The following ZFAND3 variants were observed in gnomAD, a reference collection of about 807,000 sequenced individuals.
The protein encoded by ZFAND3 is zinc finger AN1-type containing 3.
Under a neutral mutation model 29.6 loss-of-function variants are expected in ZFAND3, and 10 were observed. The ratio of observed to expected loss-of-function variants is 0.34; its 90% CI spans 0.21 to 0.57. The LOEUF is 0.57. Among genes scored for constraint, ZFAND3 ranks in the 20% least tolerant of loss-of-function variants. The pLI is 0.86. For synonymous variants in ZFAND3, 128 were observed against 112.6 expected, an observed-to-expected ratio of 1.14 and a Z score of -0.87; for missense variants, 230 against 304.5, an observed-to-expected ratio of 0.76 and a Z score of 1.82.
intron 1 of ZFAND3, among the ~76,000 whole-genome samples, chr6:37,835,359 GT>G (rs1763946861): frequency 6.6e-6 from 1 of 151,532 alleles, no homozygotes; most frequent in South Asian, 2.1e-4. Flanking sequence ...GTTTCACCAT[GT>G]TGCCCAGGCT....
chr6:37,860,651 T>TG lies in ZFAND3; in HGVS notation c.71+40635_71+40636insG, dbSNP rs1041928175. 1.2e-4 allele frequency among the ~76,000 whole-genome samples: 17 copies of TG among 145,054 alleles called. No individual in the cohort carries two copies. In the South Asian group the frequency reaches 3.1e-3, roughly 26 times the overall value. ...ATATTCACTTAGTTTTTTTTTTTTT[T>TG]TTTTTTAAGTAGGTTTAGATTTTAG... On this transcript the variant is annotated intron_variant, in intron 1 of 5. Transcript: ENST00000287218.
chr6:37,838,478 A>G (rs917922914), intron 1 of ZFAND3, among the ~76,000 whole-genome samples: 11 of 152,232 alleles, frequency 7.2e-5, no homozygotes, highest in African/African-American at 2.7e-4. Context: ...CTCATATCCA[A>G]TAGCAGTCAC....
intron 2 of ZFAND3, among the ~76,000 whole-genome samples, chr6:37,936,254 A>G (rs1761695641): frequency 6.6e-6 from 1 of 152,196 alleles, no homozygotes; most frequent in South Asian, 2.1e-4. Flanking sequence ...CTCCTCTACT[A>G]ATGTGACACC....
intron 2 of ZFAND3, among the ~76,000 whole-genome samples, chr6:38,026,786 C>T (rs201139371): frequency 7.7e-4 from 62 of 80,510 alleles, no homozygotes; most frequent in Admixed American, 3.5e-3. Context: ...ATTTTAATAA[C>T]CAGAGAGAGA....
At chr6:38,002,022 C>T (rs913764107) in intron 2 of ZFAND3, among the ~76,000 whole-genome samples, 2 of 152,118 alleles carry the variant, frequency 1.3e-5, no homozygotes, top group East Asian at 1.9e-4. Flanking sequence ...AAAATACAGT[C>T]AAGTGTGAAC....
chr6:38,154,158 C>T lies in ZFAND3; in HGVS notation c.*1769C>T. 5.1e-6 allele frequency: 5 copies of T among 985,636 alleles called. No individual in the cohort carries two copies. Among genetic ancestry groups the T allele is most frequent in the Non-Finnish European group, 6.0e-6 (5 of 830,066 alleles). 61.1% of individuals were successfully genotyped at this position (985,636 alleles called of 1,614,324 possible). A position where few individuals can be genotyped will look rare whatever the true frequency, so the allele number is the denominator to read the frequency against. On this transcript the variant is annotated 3_prime_UTR_variant, in exon 6 of 6. Coordinates refer to ENST00000287218, the MANE Select transcript of ZFAND3 (RefSeq NM_021943.3). Reference sequence around the variant, plus strand: ...AGCGTTTACCACTGCTGTCAAGCCACAGCCCTTGGCCACCATACGGGCCAT... The same window carrying T: ...AGCGTTTACCACTGCTGTCAAGCCATAGCCCTTGGCCACCATACGGGCCAT...
At chr6:37,917,242 G>A (rs1025805236) in intron 1 of ZFAND3, among the ~76,000 whole-genome samples, 2 of 152,162 alleles carry the variant, frequency 1.3e-5, no homozygotes, top group African/African-American at 4.8e-5. Context: ...ATCATTGTGT[G>A]ATCATAGATT....
intron 5 of ZFAND3, among the ~76,000 whole-genome samples, chr6:38,144,193 A>AT (rs1218387405): frequency 1.3e-3 from 54 of 40,412 alleles, no homozygotes; most frequent in African/African-American, 7.4e-3. Flanking sequence ...TAATATATAT[A>AT]TATATATATA....
intron 2 of ZFAND3, among the ~76,000 whole-genome samples, chr6:38,042,676 CAT>C (rs1162954775): frequency 1.3e-5 from 2 of 152,232 alleles, no homozygotes; most frequent in South Asian, 2.1e-4. Context: ...TCACAAGAAA[CAT>C]ATGCAAGAAA....
chr6:37,889,321 A>T (rs1480845424), intron 1 of ZFAND3, among the ~76,000 whole-genome samples: 1 of 152,176 alleles, frequency 6.6e-6, no homozygotes, highest in Non-Finnish European at 1.5e-5. Flanking sequence ...ACTTCCCTTT[A>T]CATGTTATTT....
intron 1 of ZFAND3, among the ~76,000 whole-genome samples, chr6:37,827,184 G>T (rs1040502188): frequency 3.9e-5 from 6 of 152,190 alleles, no homozygotes; most frequent in African/African-American, 1.4e-4. Context: ...CAGATTACTG[G>T]GATGTGTTCC....
At chr6:38,080,077 G>T (rs867415850) in intron 3 of ZFAND3, among the ~76,000 whole-genome samples, 1 of 150,380 alleles carries the variant, frequency 6.6e-6, no homozygotes, top group East Asian at 1.9e-4. Context: ...AACACCACAT[G>T]TTCTCACTCA....
Position 38,154,399 on chromosome 6 carries a change from TC to T in ZFAND3, c.*2014del. 1.0e-6 allele frequency: 1 copy of T among 960,972 alleles called. No individual in the cohort carries two copies. The highest frequency in any genetic ancestry group is 4.8e-5 in the South Asian group (1 of 20,796). 59.5% of individuals were successfully genotyped at this position (960,972 alleles called of 1,614,324 possible). A position where few individuals can be genotyped will look rare whatever the true frequency, so the allele number is the denominator to read the frequency against. ...GGGGGGGGTGGGGGGTGGGGCTTGTTCCCCTGCAGTATCTGTTCTGTGAAGT... is the reference window on the plus strand; with the variant it reads ...GGGGGGGGTGGGGGGTGGGGCTTGTTCCCTGCAGTATCTGTTCTGTGAAGT... On this transcript the variant is annotated 3_prime_UTR_variant, in exon 6 of 6. Coordinates refer to ENST00000287218, the MANE Select transcript of ZFAND3 (RefSeq NM_021943.3).
At position 37,992,145 on chromosome 6, in the gene ZFAND3, C is replaced by CA. The variant is rs1158634171; in HGVS notation, c.112+62146_112+62147insA. Among the ~76,000 whole-genome samples the CA allele has an allele frequency of 2.0e-5, 3 of 152,240 alleles. No homozygotes were observed. In the East Asian group the frequency reaches 5.8e-4, roughly 29 times the overall value. On this transcript the variant is annotated intron_variant, in intron 2 of 5. Transcript: ENST00000287218. ...GAACTGTGTTGTTTCTTAGACTAGG[C>CA]TTTTAAATTCACTCACCCTTGAAGG...
chr6:37,943,881 A>G (rs1761854035), intron 2 of ZFAND3, among the ~76,000 whole-genome samples: 1 of 152,196 alleles, frequency 6.6e-6, no homozygotes, highest in Admixed American at 6.5e-5. Context: ...TTATTTGCAT[A>G]CTTCAACCTC....
At chr6:38,017,925 T>C (rs1763280114) in intron 2 of ZFAND3, among the ~76,000 whole-genome samples, 1 of 152,242 alleles carries the variant, frequency 6.6e-6, no homozygotes, top group African/African-American at 2.4e-5. Flanking sequence ...TATCTCATTC[T>C]CAAAAGTATG....
chr6:38,111,596 C>CT (rs1314230490), intron 4 of ZFAND3, among the ~76,000 whole-genome samples: 1 of 152,160 alleles, frequency 6.6e-6, no homozygotes, highest in Non-Finnish European at 1.5e-5. Flanking sequence ...CGATGATCCA[C>CT]TTTCACTTAA....
At chr6:38,149,422 A>AC (rs1481011273) in intron 5 of ZFAND3, among the ~76,000 whole-genome samples, 9 of 151,822 alleles carry the variant, frequency 5.9e-5, no homozygotes, top group Admixed American at 2.6e-4. Flanking sequence ...AAAAAAAAAA[A>AC]AAAAAAACCT....
chr6:38,139,671 T>G (rs1000337461), intron 5 of ZFAND3, among the ~76,000 whole-genome samples: 3 of 152,158 alleles, frequency 2.0e-5, no homozygotes, highest in African/African-American at 7.2e-5. Context: ...TGGAGCACGG[T>G]AATCACAGAC....
Sources: gnomAD v4.1 joint callset for allele counts (sites outside exome capture counted in the v4.1 genomes callset) on GRCh38, gnomAD v4.1.1 for gene constraint, MANE v1.5 for transcripts, NCBI Gene and HGNC (gene_info 2026-07-23, HGNC 2026-07-21) for gene names.